Variants in GRIN2B observed in about 807,000 individuals in gnomAD.
GRIN2B encodes glutamate receptor ionotropic, NMDA 2B.
In GRIN2B, 5 loss-of-function variants were observed where a neutral mutation model predicts 114.5. That is an observed-to-expected ratio of 0.04 (90% CI 0.02 to 0.09). The LOEUF is 0.09. Ranked by LOEUF, GRIN2B falls within the 10% of genes least tolerant of loss-of-function variation. The pLI is 1.00. For synonymous variants in GRIN2B, 787 were observed against 745.1 expected (o/e 1.06, Z -0.92); for missense variants, 1,108 against 1,943.5 (o/e 0.57, Z 8.08).
intron 2 of GRIN2B, among the ~76,000 whole-genome samples, chr12:13,891,786 C>A (rs1285291716): frequency 6.6e-6 from 1 of 152,178 alleles, no homozygotes; most frequent in Non-Finnish European, 1.5e-5. Context: ...ATTATGATCA[C>A]CATCGTCAAC....
chr12:13,615,366 G>T lies in GRIN2B; in HGVS notation c.1501-99C>A. On this transcript the variant is annotated intron_variant, in intron 7 of 13. Coordinates refer to ENST00000609686, the MANE Select transcript of GRIN2B (RefSeq NM_000834.5). The surrounding 1 kb of genome is among the most constrained non-coding windows in gnomAD (Gnocchi z 5.8). The stretch of plus-strand genomic sequence containing the variant: ...ATCAGTGGTTTTCTTTGTATAGTGG[G>T]AACAATACATCTTATTTGCCATTTT... The T allele has an allele frequency of 1.4e-6, 2 of 1,400,706 alleles. No individual in the cohort carries two copies. Among genetic ancestry groups the T allele is most frequent in the South Asian group, 1.2e-5 (1 of 86,482 alleles). 86.8% of individuals were successfully genotyped at this position (1,400,706 alleles called of 1,614,324 possible).
chr12:13,684,794 C>T (rs1950162871), intron 4 of GRIN2B, among the ~76,000 whole-genome samples: 1 of 152,126 alleles, frequency 6.6e-6, no homozygotes, highest in African/African-American at 2.4e-5. Context: ...GTGGTGAGAC[C>T]TTCCCAGAGA....
rs190951721 is a variant in GRIN2B, at chr12:13,917,831, T to C, written c.-18-51605A>G. ...GTGGCAATTTCAAAATATGCAACAG[T>C]GTTCTTTTTTTCTTTTTTATTATAC... is the stretch of plus-strand genomic sequence containing the variant. On this transcript the variant is annotated intron_variant, in intron 2 of 13. Coordinates refer to ENST00000609686, the MANE Select transcript of GRIN2B (RefSeq NM_000834.5). Among the ~76,000 whole-genome samples, 5 of 152,306 alleles carry C rather than the reference T, an allele frequency of 3.3e-5. No individual in the cohort carries two copies. The East Asian group carries it at 9.6e-4, about 29-fold the overall frequency.
At chr12:13,741,191 G>A (rs144010837) in intron 4 of GRIN2B, among the ~76,000 whole-genome samples, 5 of 152,090 alleles carry the variant, frequency 3.3e-5, no homozygotes, top group African/African-American at 9.6e-5. Flanking sequence ...CACCACGCCC[G>A]GCTAATTTTT....
chr12:13,766,978 C>T (rs995068957), intron 3 of GRIN2B, among the ~76,000 whole-genome samples: 1 of 152,218 alleles, frequency 6.6e-6, no homozygotes, highest in African/African-American at 2.4e-5. Flanking sequence ...TAATGTTGGC[C>T]GGGCACGGTG....
chr12:13,943,189 A>C (rs993668772), intron 2 of GRIN2B, among the ~76,000 whole-genome samples: 1 of 152,154 alleles, frequency 6.6e-6, no homozygotes, highest in Non-Finnish European at 1.5e-5. Context: ...CTTAATCCTC[A>C]CAACAGCCCC....
chr12:13,676,360 A>T (rs1294390004), intron 4 of GRIN2B, among the ~76,000 whole-genome samples: 4 of 152,104 alleles, frequency 2.6e-5, no homozygotes, highest in African/African-American at 9.7e-5. Context: ...AAAAATAAAA[A>T]TTTTTAAAAA....
intron 5 of GRIN2B, among the ~76,000 whole-genome samples, chr12:13,627,872 C>A (rs1380053438): frequency 6.6e-6 from 1 of 152,342 alleles, no homozygotes; most frequent in South Asian, 2.1e-4. Flanking sequence ...ATTTGCATGC[C>A]TTCCGTCTCC....
chr12:13,641,697 C>A (rs1400889240), intron 5 of GRIN2B, among the ~76,000 whole-genome samples: 1 of 152,050 alleles, frequency 6.6e-6, no homozygotes, highest in Non-Finnish European at 1.5e-5. Flanking sequence ...CAGGACTGAG[C>A]CCTGTGCAGC....
chr12:13,958,521 A>G (rs1227825753), intron 2 of GRIN2B, among the ~76,000 whole-genome samples: 1 of 152,196 alleles, frequency 6.6e-6, no homozygotes, highest in African/African-American at 2.4e-5. Flanking sequence ...GTGTACCCCC[A>G]TAGGTTAGTA....
At chr12:13,781,971 T>C (rs960363911) in intron 3 of GRIN2B, among the ~76,000 whole-genome samples, 3 of 152,176 alleles carry the variant, frequency 2.0e-5, no homozygotes, top group Non-Finnish European at 2.9e-5. Context: ...CATGATAACA[T>C]GAATGTGAGG....
At position 13,681,363 on chromosome 12, in the gene GRIN2B, G is replaced by A. The variant is rs535778128; in HGVS notation, c.1011-5504C>T. 4.6e-5 allele frequency among the ~76,000 whole-genome samples: 7 copies of A among 152,202 alleles called. No homozygotes were observed. In the South Asian group the frequency reaches 1.0e-3, roughly 23 times the overall value. ...ACCCAGGTGTCCTAACCCCTAGTCCGGTGTTCTTTCCATGTGCCACCATGC... is the reference window on the plus strand; with the variant it reads ...ACCCAGGTGTCCTAACCCCTAGTCCAGTGTTCTTTCCATGTGCCACCATGC... On this transcript the variant is annotated intron_variant, in intron 4 of 13. Coordinates refer to ENST00000609686, the MANE Select transcript of GRIN2B (RefSeq NM_000834.5).
chr12:13,876,665 C>A (rs1240096536), intron 2 of GRIN2B, among the ~76,000 whole-genome samples: 2 of 152,184 alleles, frequency 1.3e-5, no homozygotes, highest in Non-Finnish European at 2.9e-5. Context: ...TCAGAATAGT[C>A]ACACGTCAGA....
In GRIN2B at chr12:13,679,126, C is replaced by A. The variant is rs150939269; in HGVS notation, c.1011-3267G>T. Among the ~76,000 whole-genome samples, 376 of 152,182 alleles carry A rather than the reference C, an allele frequency of 2.5e-3. 5 individuals carry two copies. Among genetic ancestry groups the A allele is most frequent in the African/African-American group, 8.7e-3 (363 of 41,556 alleles). On this transcript the variant is annotated intron_variant, in intron 4 of 13. Transcript: ENST00000609686. Reference sequence around the variant, plus strand: ...GAAGGATAGGAGGGAAATAAATTATCTGGTGTAAGCATCCACCTTGTTATC... The same window carrying A: ...GAAGGATAGGAGGGAAATAAATTATATGGTGTAAGCATCCACCTTGTTATC...
At position 13,537,444 on chromosome 12, in the gene GRIN2B, G is replaced by A. The variant is rs946447400; in HGVS notation, c.*25339C>T. On this transcript the variant is annotated 3_prime_UTR_variant, in exon 14 of 14. Coordinates refer to ENST00000609686, the MANE Select transcript of GRIN2B (RefSeq NM_000834.5). ...CTGGGGATAGGCAGAATTAGAGAAC[G>A]AGGCTGTAATCATAAAATGGTGCTT... 1 of 152,076 alleles carries A rather than the reference G, an allele frequency of 6.6e-6. No individual in the cohort carries two copies. Among genetic ancestry groups the A allele is most frequent in the African/African-American group, 2.4e-5 (1 of 41,424 alleles). 9.4% of individuals were successfully genotyped at this position (152,076 alleles called of 1,614,324 possible). A position where few individuals can be genotyped will look rare whatever the true frequency, so the allele number is the denominator to read the frequency against.
intron 4 of GRIN2B, among the ~76,000 whole-genome samples, chr12:13,743,096 G>T (rs140822945): frequency 6.6e-6 from 1 of 152,164 alleles, no homozygotes; most frequent in African/African-American, 2.4e-5. Context: ...ATTTAAACTG[G>T]GTTACTGGGA....
In GRIN2B at chr12:13,916,315, T is replaced by C. The variant is rs75080611; in HGVS notation, c.-18-50089A>G. 2.2e-3 allele frequency among the ~76,000 whole-genome samples: 340 copies of C among 152,290 alleles called. 1 individual carries two copies. The highest frequency in any genetic ancestry group is 4.1e-3 in the Non-Finnish European group (279 of 68,016). Reference sequence around the variant, plus strand: ...ATTTTAAATCAGGAAGTTTGTTAGGTTTGAGATCATAAACAAATTATCATC... The same window carrying C: ...ATTTTAAATCAGGAAGTTTGTTAGGCTTGAGATCATAAACAAATTATCATC... On this transcript the variant is annotated intron_variant, in intron 2 of 13. Coordinates refer to ENST00000609686, the MANE Select transcript of GRIN2B (RefSeq NM_000834.5).
At chr12:13,692,872 G>T (rs2136559744) in intron 4 of GRIN2B, among the ~76,000 whole-genome samples, 1 of 143,138 alleles carries the variant, frequency 7.0e-6, no homozygotes, top group African/African-American at 2.6e-5. Flanking sequence ...GGGTTCAAGT[G>T]ATTCTCCTGC....
At chr12:13,573,284 TA>T (rs1948729311) in intron 10 of GRIN2B, among the ~76,000 whole-genome samples, 1 of 148,946 alleles carries the variant, frequency 6.7e-6, no homozygotes, top group Admixed American at 6.6e-5. Context: ...ACCCCGTCTC[TA>T]CTAAAAATAC....
Sources: gnomAD v4.1 joint callset for allele counts (sites outside exome capture counted in the v4.1 genomes callset) on GRCh38, gnomAD v4.1.1 for gene constraint, Gnocchi (gnomAD v3.1) non-coding constraint, MANE v1.5 for transcripts, NCBI Gene and HGNC (gene_info 2026-07-23, HGNC 2026-07-21) for gene names.